The following PTK2 variants were observed in gnomAD, a reference collection of about 807,000 sequenced individuals.
PTK2 encodes protein tyrosine kinase 2.
Under a neutral mutation model 150.1 loss-of-function variants are expected in PTK2, and 45 were observed. That is an observed-to-expected ratio of 0.30 (90% CI 0.24 to 0.38). PTK2 has a LOEUF of 0.38. Among genes scored for constraint, PTK2 ranks in the 10% least tolerant of loss-of-function variants. PTK2 has a pLI of 1.00. For missense variants in PTK2, 919 were observed against 1,307.3 expected (o/e 0.70, Z 4.58); for synonymous variants, 432 against 449.2 (o/e 0.96, Z 0.48).
chr8:140,880,634 T>G (rs2100148610), intron 3 of PTK2, among the ~76,000 whole-genome samples: 1 of 152,204 alleles, frequency 6.6e-6, no homozygotes, highest in African/African-American at 2.4e-5. Context: ...AATTAGCAAT[T>G]AATTGAAGCT....
intron 10 of PTK2, among the ~76,000 whole-genome samples, chr8:140,804,673 T>A (rs1239016068): frequency 2.6e-5 from 4 of 152,250 alleles, no homozygotes; most frequent in African/African-American, 9.6e-5. Context: ...TGTCAGCTAA[T>A]GCCCCTTCCC....
chr8:140,934,917 G>A (rs1304928133), intron 1 of PTK2, among the ~76,000 whole-genome samples: 1 of 152,170 alleles, frequency 6.6e-6, no homozygotes, highest in Non-Finnish European at 1.5e-5. Flanking sequence ...TGGAGTTAGA[G>A]AGATTAGACT....
chr8:140,857,127 T>C (rs2100133154), intron 5 of PTK2, among the ~76,000 whole-genome samples: 1 of 152,190 alleles, frequency 6.6e-6, no homozygotes. Context: ...CACTCAGCCA[T>C]GAAGCTTGTT....
At chr8:140,740,106 G>A (rs1178204408) in intron 20 of PTK2, among the ~76,000 whole-genome samples, 1 of 152,160 alleles carries the variant, frequency 6.6e-6, no homozygotes, top group Non-Finnish European at 1.5e-5. Context: ...CGTTTTCTTT[G>A]TGCCACAAAG....
intron 22 of PTK2, among the ~76,000 whole-genome samples, chr8:140,724,370 G>A (rs1428205964): frequency 6.6e-6 from 1 of 152,132 alleles, no homozygotes; most frequent in Non-Finnish European, 1.5e-5. Flanking sequence ...CTTCATTTCT[G>A]TAATATTTTC....
intron 1 of PTK2, among the ~76,000 whole-genome samples, chr8:140,931,603 G>A (rs1350760666): frequency 1.3e-5 from 2 of 151,900 alleles, no homozygotes; most frequent in Non-Finnish European, 1.5e-5. Context: ...AAAGTATATT[G>A]TTCACTATAG....
chr8:140,791,770 T>C (rs1013606087), intron 13 of PTK2, among the ~76,000 whole-genome samples: 2 of 152,136 alleles, frequency 1.3e-5, no homozygotes, highest in Non-Finnish European at 2.9e-5. Flanking sequence ...GAGTGGATCA[T>C]GCAAAGACAG....
At chr8:140,995,613 G>A (rs1322953148) in intron 1 of PTK2, among the ~76,000 whole-genome samples, 1 of 151,514 alleles carries the variant, frequency 6.6e-6, no homozygotes, top group Admixed American at 6.6e-5. Flanking sequence ...AACAGCCTGC[G>A]GAACACGGCA....
intron 14 of PTK2, among the ~76,000 whole-genome samples, chr8:140,787,802 G>A (rs909502862): frequency 2.6e-5 from 4 of 152,172 alleles, no homozygotes; most frequent in Non-Finnish European, 5.9e-5. Context: ...GGCAGTCCCC[G>A]GGGCTCATCC....
Position 140,702,128 on chromosome 8 carries a change from C to CAA in PTK2, c.2367+440_2367+441dup, listed in dbSNP as rs749591009. On this transcript the variant is annotated intron_variant, in intron 25 of 31. Transcript: ENST00000522684. Reference sequence around the variant, plus strand: ...GGGAGACAGAGTAAGACTCTGTCTCCAAAAAAAAAAAAAAAAAAAAAAAAA... The same window carrying CAA: ...GGGAGACAGAGTAAGACTCTGTCTCCAAAAAAAAAAAAAAAAAAAAAAAAAAA... 6.9e-3 allele frequency among the ~76,000 whole-genome samples: 295 copies of CAA among 42,758 alleles called. 8 individuals are homozygous for CAA. Among genetic ancestry groups the CAA allele is most frequent in the East Asian group, 9.7e-3 (9 of 932 alleles). The allele number at this position is 42,758 out of a possible 152,430, so 28.1% of individuals were successfully genotyped here.
At chr8:140,691,198 G>C (rs527311559) in intron 26 of PTK2, among the ~76,000 whole-genome samples, 29 of 147,326 alleles carry the variant, frequency 2.0e-4, no homozygotes, top group East Asian at 1.2e-3. Flanking sequence ...GATGGTTGGG[G>C]GTGGGGGGTC....
At position 140,902,936 on chromosome 8, in the gene PTK2, T is replaced by G. The variant is rs1199317341; in HGVS notation, c.-32-12167A>C. Among the ~76,000 whole-genome samples the G allele has an allele frequency of 2.5e-4, 34 of 137,558 alleles. 1 individual carries two copies. Among genetic ancestry groups the G allele is most frequent in the South Asian group, 7.3e-4 (3 of 4,130 alleles). 90.2% of individuals were successfully genotyped at this position (137,558 alleles called of 152,430 possible). A position where few individuals can be genotyped will look rare whatever the true frequency, so the allele number is the denominator to read the frequency against. ...TCTGATGAGAGTTGTTTTTTTTTTT[T>G]TTTTTTTTTTTTTTTTTTTTTTTGC... On this transcript the variant is annotated intron_variant, in intron 2 of 31. Transcript: ENST00000522684.
rs2100056341 is a variant in PTK2 at position 140,742,531 on chromosome 8, CTTTAT to C, written c.1735+694_1735+698del. ...TTCTCTGCATCTTTGCCAGCATATT[CTTTAT>C]TTTAACAACTGACAGGTATGTACTG... On this transcript the variant is annotated intron_variant, in intron 20 of 31. Transcript: ENST00000522684. Among the ~76,000 whole-genome samples, 4 of 152,262 alleles carry C rather than the reference CTTTAT, an allele frequency of 2.6e-5. No homozygotes were observed. In the South Asian group the frequency reaches 8.3e-4, roughly 32 times the overall value.
At chr8:140,938,255 C>T (rs141271567) in intron 1 of PTK2, among the ~76,000 whole-genome samples, 89 of 152,296 alleles carry the variant, frequency 5.8e-4, no homozygotes, top group African/African-American at 2.0e-3. Flanking sequence ...GACCCAGCCA[C>T]GTGCAGGTTT....
chr8:140,767,245 C>T (rs1291124132), intron 14 of PTK2, among the ~76,000 whole-genome samples: 1 of 143,238 alleles, frequency 7.0e-6, no homozygotes, highest in African/African-American at 2.6e-5. Flanking sequence ...CAAGAGAAAA[C>T]CTGTAAATTT....
chr8:140,959,185 A>G (rs2100182206), intron 1 of PTK2, among the ~76,000 whole-genome samples: 1 of 151,674 alleles, frequency 6.6e-6, no homozygotes, highest in African/African-American at 2.4e-5. Context: ...AAGGGAGTAA[A>G]AGGCTGGCAA....
At chr8:140,779,245 GAAAAAAA>G (rs140826832) in intron 14 of PTK2, among the ~76,000 whole-genome samples, 2 of 112,040 alleles carry the variant, frequency 1.8e-5, no homozygotes, top group African/African-American at 3.4e-5. Flanking sequence ...CTGGGCGATG[GAAAAAAA>G]AAAAAAAGAA....
chr8:140,806,205 T>C (rs2154600736), intron 10 of PTK2, among the ~76,000 whole-genome samples: 1 of 152,368 alleles, frequency 6.6e-6, no homozygotes, highest in East Asian at 1.9e-4. Context: ...ATGCTCTGCA[T>C]TGAACTTTCC....
chr8:140,686,550 C>T (rs908509454), intron 27 of PTK2, 82 bp downstream of exon 30: 1 of 1,074,134 alleles, frequency 9.3e-7, no homozygotes, highest in East Asian at 2.4e-5. Context: ...TATTAGTAAA[C>T]TTGGATATAT....
Sources: gnomAD v4.1 joint callset for allele counts (sites outside exome capture counted in the v4.1 genomes callset) on GRCh38, gnomAD v4.1.1 for gene constraint, MANE v1.5 for transcripts, NCBI Gene and HGNC (gene_info 2026-07-23, HGNC 2026-07-21) for gene names.